SPATS2: variants seen among roughly 807,000 people sequenced by gnomAD.
The protein encoded by SPATS2 is spermatogenesis-associated serine-rich protein 2.
In SPATS2, 38 loss-of-function variants were observed where a neutral mutation model predicts 63.7. The ratio of observed to expected loss-of-function variants is 0.60; its 90% CI spans 0.46 to 0.78. SPATS2 has a LOEUF of 0.78. Ranked by LOEUF, SPATS2 falls within the 30% of genes least tolerant of loss-of-function variation. The pLI, the probability that SPATS2 is intolerant of heterozygous loss-of-function variation, is 0.00. For synonymous variants in SPATS2, 207 were observed against 232.9 expected (o/e 0.89, Z 1.01); for missense variants, 588 against 666.2 (o/e 0.88, Z 1.29).
At chr12:49,389,877 G>C (rs964055666) in intron 2 of SPATS2, 10 of 832,686 alleles carry the variant, frequency 1.2e-5, no homozygotes, top group Admixed American at 3.4e-5. Flanking sequence ...AGATGATCCG[G>C]GAAAAATAAT....
At chr12:49,389,223 G>GC (rs572081903) in intron 2 of SPATS2, among the ~76,000 whole-genome samples, 1 of 152,246 alleles carries the variant, frequency 6.6e-6, no homozygotes, top group South Asian at 2.1e-4. Flanking sequence ...GTTCGGCCCT[G>GC]CCCCACCGTA....
At chr12:49,479,256 C>T (rs1416638424) in intron 3 of SPATS2, among the ~76,000 whole-genome samples, 1 of 152,256 alleles carries the variant, frequency 6.6e-6, no homozygotes, top group South Asian at 2.1e-4. Flanking sequence ...AGCCTGGCCC[C>T]CAGCCTTCAG....
chr12:49,435,638 C>CTTTTTTT (rs34420984), intron 2 of SPATS2, among the ~76,000 whole-genome samples: 1 of 96,056 alleles, frequency 1.0e-5, no homozygotes, highest in Non-Finnish European at 2.3e-5. Flanking sequence ...TGAATGGTTT[C>CTTTTTTT]TTTTTTTTTT....
chr12:49,389,431 A>G (rs1320669610), intron 2 of SPATS2: 5 of 626,586 alleles, frequency 8.0e-6, no homozygotes, highest in African/African-American at 1.8e-5. Flanking sequence ...CCTTGGGTGC[A>G]TAGGTCCCGG....
intron 2 of SPATS2, among the ~76,000 whole-genome samples, chr12:49,379,407 C>T (rs1225495656): frequency 2.0e-5 from 3 of 148,350 alleles, no homozygotes; most frequent in African/African-American, 4.9e-5. Flanking sequence ...AATAATTAGC[C>T]GGGCATGGTA....
chr12:49,392,236 A>ATT (rs201304114), intron 2 of SPATS2, among the ~76,000 whole-genome samples: 5 of 140,018 alleles, frequency 3.6e-5, no homozygotes, highest in Admixed American at 2.8e-4. Flanking sequence ...TTTCCATCCT[A>ATT]TTTTTTTTTT....
intron 8 of SPATS2, among the ~76,000 whole-genome samples, chr12:49,499,838 T>C (rs1478069134): frequency 1.3e-5 from 2 of 152,170 alleles, no homozygotes; most frequent in Non-Finnish European, 2.9e-5. Context: ...CTTTGTATGT[T>C]TTTAGTTGTT....
At chr12:49,518,517 AT>A (rs959932650) in intron 10 of SPATS2, among the ~76,000 whole-genome samples, 1 of 152,218 alleles carries the variant, frequency 6.6e-6, no homozygotes, top group African/African-American at 2.4e-5. Context: ...AGATGTATTA[AT>A]AGGGAATAAA....
At position 49,522,936 on chromosome 12, in the gene SPATS2, C is replaced by T. The variant is rs374550653; in HGVS notation, c.1111+83C>T. On this transcript the variant is annotated intron_variant, in intron 12 of 13. Coordinates refer to ENST00000552918, the MANE Select transcript of SPATS2 (RefSeq NM_023071.4). ...GTGCTGATTGTCTTCACCACTGATT[C>T]CTCATTAGTGCCTCTTGTTTGCTTG... 109 of 1,135,338 alleles carry T rather than the reference C, an allele frequency of 9.6e-5. No individual in the cohort carries two copies. The East Asian group carries it at 1.0e-3, about 11-fold the overall frequency. The allele number at this position is 1,135,338 out of a possible 1,614,324, so 70.3% of individuals were successfully genotyped here.
rs66900382 is a variant in SPATS2, at chr12:49,498,145, A to AAAAAAAAT, written c.703+1137_703+1138insAAAAAATA. Among the ~76,000 whole-genome samples the AAAAAAAAT allele has an allele frequency of 6.6e-3, 656 of 98,902 alleles. 3 individuals are homozygous for AAAAAAAAT. The highest frequency in any genetic ancestry group is 0.015 in the Middle Eastern group (3 of 202). The allele number at this position is 98,902 out of a possible 152,430, so 64.9% of individuals were successfully genotyped here. A position where few individuals can be genotyped will look rare whatever the true frequency, so the allele number is the denominator to read the frequency against. On this transcript the variant is annotated intron_variant, in intron 8 of 13. Transcript: ENST00000552918. ...ATCCAATCAAGCCAAAAAAAAAAAA[A>AAAAAAAAT]ATATATATATATATATATATATATG...
At chr12:49,437,396 G>A (rs1193022488) in intron 2 of SPATS2, among the ~76,000 whole-genome samples, 1 of 152,150 alleles carries the variant, frequency 6.6e-6, no homozygotes, top group African/African-American at 2.4e-5. Flanking sequence ...GGGCGGCCAG[G>A]CAGAGACGCT....
At chr12:49,516,013 G>T (rs1411426335) in intron 10 of SPATS2, among the ~76,000 whole-genome samples, 2 of 150,610 alleles carry the variant, frequency 1.3e-5, no homozygotes, top group Admixed American at 1.3e-4. Flanking sequence ...GGTGGCACAC[G>T]CCTGTAGTCC....
At chr12:49,450,616 T>C (rs1045860228) in intron 2 of SPATS2, among the ~76,000 whole-genome samples, 1 of 152,136 alleles carries the variant, frequency 6.6e-6, no homozygotes. Flanking sequence ...TGATCTTGGC[T>C]CACTGCAACC....
chr12:49,497,697 A>G (rs1004079920), intron 8 of SPATS2, among the ~76,000 whole-genome samples: 1 of 152,060 alleles, frequency 6.6e-6, no homozygotes, highest in Non-Finnish European at 1.5e-5. Context: ...CCCAGCCAAC[A>G]TTGACATTTT....
chr12:49,388,226 CT>C (rs1210166523), intron 2 of SPATS2, among the ~76,000 whole-genome samples: 1 of 152,056 alleles, frequency 6.6e-6, no homozygotes, highest in Admixed American at 6.5e-5. Context: ...TTAAGTGTTT[CT>C]TCGTAAGCTG....
chr12:49,513,104 C>G (rs1356934334), intron 9 of SPATS2, among the ~76,000 whole-genome samples: 1 of 152,168 alleles, frequency 6.6e-6, no homozygotes, highest in African/African-American at 2.4e-5. Flanking sequence ...GGAAATGACC[C>G]TGCCTTAGAC....
intron 2 of SPATS2, among the ~76,000 whole-genome samples, chr12:49,458,265 C>G (rs1410808999): frequency 6.6e-6 from 1 of 152,108 alleles, no homozygotes; most frequent in Non-Finnish European, 1.5e-5. Flanking sequence ...GTCAGGAGTT[C>G]AGGACCAGCC....
At chr12:49,401,609 A>G (rs1281132381) in intron 2 of SPATS2, among the ~76,000 whole-genome samples, 1 of 152,234 alleles carries the variant, frequency 6.6e-6, no homozygotes, top group Non-Finnish European at 1.5e-5. Context: ...AAAAAGTACC[A>G]TTACCATACT....
At chr12:49,433,959 G>A (rs1016927544) in intron 2 of SPATS2, among the ~76,000 whole-genome samples, 1 of 152,102 alleles carries the variant, frequency 6.6e-6, no homozygotes, top group African/African-American at 2.4e-5. Context: ...TTTTGTGTAT[G>A]GTGTAAGGTA....
Sources: gnomAD v4.1 joint callset for allele counts (sites outside exome capture counted in the v4.1 genomes callset) on GRCh38, gnomAD v4.1.1 for gene constraint, MANE v1.5 for transcripts, NCBI Gene and HGNC (gene_info 2026-07-23, HGNC 2026-07-21) for gene names.